Variants in ZBTB25 observed in about 807,000 individuals in gnomAD.
The protein encoded by ZBTB25 is zinc finger and BTB domain-containing protein 25.
Under a neutral mutation model 34.2 loss-of-function variants are expected in ZBTB25, and 20 were observed. The observed-to-expected ratio is 0.58, with a 90% confidence interval of 0.41 to 0.85. The LOEUF (loss-of-function observed/expected upper bound fraction) is 0.85, where lower values mean the gene tolerates loss of function less well. ZBTB25 is among the 40% of genes least tolerant of loss of function. ZBTB25 has a pLI of 0.00. For missense variants in ZBTB25, 437 were observed against 521.8 expected (o/e 0.84, Z 1.58); for synonymous variants, 175 against 186.4 (o/e 0.94, Z 0.50).
Position 64,487,892 on chromosome 14 carries a change from T to C in ZBTB25, c.339A>G (p.Glu113=), listed in dbSNP as rs750167865. Residue 113 remains glutamate (E), a synonymous_variant, in exon 3 of 3, where the codon GAA becomes GAG. Transcript: ENST00000608382. ...HADYLSHIAT[E]MNQVFSPETV... is the part of the protein sequence containing the mutation. ...TCTCTGGTGAGAACACTTGATTCAT[T>C]TCAGTTGCAATGTGAGAAAGGTAGT... The C allele has an allele frequency of 1.9e-6, 3 of 1,614,192 alleles. No individual in the cohort carries two copies. Among genetic ancestry groups the C allele is most frequent in the Non-Finnish European group, 2.5e-6 (3 of 1,180,028 alleles).
intron 1 of ZBTB25, among the ~76,000 whole-genome samples, chr14:64,493,270 A>C (rs2079152743): frequency 6.6e-6 from 1 of 152,244 alleles, no homozygotes; most frequent in Admixed American, 6.5e-5. Context: ...AGCTTGAACT[A>C]AAATCAGACA....
chr14:64,502,683 G>A (rs1214316002), intron 1 of ZBTB25: 7 of 985,540 alleles, frequency 7.1e-6, no homozygotes, highest in Non-Finnish European at 8.4e-6. Flanking sequence ...ACAGGTGAGT[G>A]GGGTAAACTG....
chr14:64,484,909 G>T lies in ZBTB25; in HGVS notation c.*2014C>A. ...ATTTCAATAGTTGCTTAAGTGAATT[G>T]GTAGAAAAAAGTTTAAGATTAGACA... On this transcript the variant is annotated 3_prime_UTR_variant, in exon 3 of 3. Transcript: ENST00000608382. The T allele has an allele frequency of 4.3e-6, 3 of 692,822 alleles. No homozygotes were observed. Among genetic ancestry groups the T allele is most frequent in the Non-Finnish European group, 5.3e-6 (3 of 563,066 alleles). 42.9% of individuals were successfully genotyped at this position (692,822 alleles called of 1,614,324 possible).
At chr14:64,459,599 A>G (rs571745862) in intron 2 of ZBTB25, among the ~76,000 whole-genome samples, 1 of 152,260 alleles carries the variant, frequency 6.6e-6, no homozygotes, top group Non-Finnish European at 1.5e-5. Context: ...ATCATTTTCA[A>G]GTCCATTTAT....
chr14:64,468,036 ATGCC>A (rs2078629125), intron 2 of ZBTB25: 1 of 157,678 alleles, frequency 6.3e-6, no homozygotes, highest in Admixed American at 6.3e-5. Context: ...TATGGAAAAT[ATGCC>A]TGGTAGAATC....
rs2078851655 is a variant in ZBTB25, at chr14:64,485,765, G to A, written c.*1158C>T. ...CCCAAAAATCCTGACGCTGAGGGTA[G>A]AAACATGATTTATATTTTATCATCA... is the stretch of plus-strand genomic sequence containing the variant. On this transcript the variant is annotated 3_prime_UTR_variant, in exon 3 of 3. Transcript: ENST00000608382. 1 of 985,264 alleles carries A rather than the reference G, an allele frequency of 1.0e-6. No individual in the cohort carries two copies. The highest frequency in any genetic ancestry group is 1.2e-6 in the Non-Finnish European group (1 of 829,928). The allele number at this position is 985,264 out of a possible 1,614,324, so 61.0% of individuals were successfully genotyped here.
At chr14:64,450,821 C>T (rs998028040) in intron 2 of ZBTB25, among the ~76,000 whole-genome samples, 6 of 151,428 alleles carry the variant, frequency 4.0e-5, no homozygotes, top group Non-Finnish European at 5.9e-5. Flanking sequence ...GGTCCTCCCA[C>T]CTCAGCCCCC....
At chr14:64,466,461 C>A (rs941478527) in intron 2 of ZBTB25, among the ~76,000 whole-genome samples, 1 of 152,178 alleles carries the variant, frequency 6.6e-6, no homozygotes, top group Admixed American at 6.5e-5. Flanking sequence ...GGTAATACAG[C>A]CTCTGCTTAA....
intron 1 of ZBTB25, chr14:64,503,009 A>T (rs1018296460): frequency 1.0e-6 from 1 of 985,458 alleles, no homozygotes. Flanking sequence ...CTGTTGAAAC[A>T]TGCTAGGTGC....
Position 64,487,190 on chromosome 14 carries a change from T to C in ZBTB25, c.1041A>G (p.Arg347=). Residue 347 remains arginine (R), a synonymous_variant, in exon 3 of 3, where the codon AGA becomes AGG. Coordinates refer to ENST00000608382, the MANE Select transcript of ZBTB25 (RefSeq NM_006977.5). ...LNCNFSFSRK[R]KMSCTICGHK... ...GACCACAGATGGTACAGCTCATTTTTCTTTTCCTTGAAAAAGAAAAATTAC... is the reference window on the plus strand; with the variant it reads ...GACCACAGATGGTACAGCTCATTTTCCTTTTCCTTGAAAAAGAAAAATTAC... The C allele has an allele frequency of 6.2e-7, 1 of 1,614,176 alleles. No homozygotes were observed. The highest frequency in any genetic ancestry group is 8.5e-7 in the Non-Finnish European group (1 of 1,180,012).
intron 1 of ZBTB25, among the ~76,000 whole-genome samples, chr14:64,494,847 CAGATT>C (rs2141043437): frequency 6.6e-6 from 1 of 152,330 alleles, no homozygotes; most frequent in South Asian, 2.1e-4. Context: ...TTCTCTACTT[CAGATT>C]AGATAATTTC....
In ZBTB25 at chr14:64,486,939, G is replaced by A; in HGVS notation, c.1292C>T (p.Thr431Ile). ...GAGAAGCTGCTACTCAACTAGGATAGTATCCACATTTTCTTGTGTGAGCTC... is the reference window on the plus strand; with the variant it reads ...GAGAAGCTGCTACTCAACTAGGATAATATCCACATTTTCTTGTGTGAGCTC... ...ESELTQENVD[T>I]ILVE is the part of the protein sequence containing the mutation. The change falls in exon 3 of 3, where the codon ACT becomes ATT. Residue 431 changes from threonine to isoleucine, a missense_variant. Physicochemically the swap from Thr to Ile is moderately conservative, Grantham distance 89. Coordinates refer to ENST00000608382, the MANE Select transcript of ZBTB25 (RefSeq NM_006977.5). 6.2e-7 allele frequency: 1 copy of A among 1,609,444 alleles called. No individual in the cohort carries two copies. Among genetic ancestry groups the A allele is most frequent in the Non-Finnish European group, 8.5e-7 (1 of 1,177,918 alleles).
Position 64,499,281 on chromosome 14 carries a change from A to G in ZBTB25, c.-8+4380T>C, listed in dbSNP as rs983532032. Among the ~76,000 whole-genome samples, 4 of 152,172 alleles carry G rather than the reference A, an allele frequency of 2.6e-5. No individual in the cohort carries two copies. In the South Asian group the frequency reaches 8.3e-4, roughly 32 times the overall value. ...AAAATATTGGCCAGATTAAGAAACA[A>G]AAGTGCTCCATGGCCAGGCATGGTG... On this transcript the variant is annotated intron_variant, in intron 1 of 2. Transcript: ENST00000608382.
At chr14:64,505,077 G>T (rs1303423712), upstream of ZBTB25, 1 of 362,554 alleles carries the variant, frequency 2.8e-6, no homozygotes, top group East Asian at 4.1e-5. Context: ...CGCGGCGGAC[G>T]CGCTGCGAGG....
At chr14:64,475,720 T>A (rs368532398), downstream of ZBTB25, among the ~76,000 whole-genome samples, 1 of 152,082 alleles carries the variant, frequency 6.6e-6, no homozygotes, top group East Asian at 1.9e-4. Context: ...CAAAACTGGG[T>A]GTGGGCACAA....
In ZBTB25 at chr14:64,479,122, AATACT is replaced by A. The variant is rs2141011922; in HGVS notation, c.*7796_*7800del. 1 of 152,324 alleles carries A rather than the reference AATACT, an allele frequency of 6.6e-6. No individual in the cohort carries two copies. The highest frequency in any genetic ancestry group is 2.1e-4 in the South Asian group (1 of 4,830). The allele number at this position is 152,324 out of a possible 1,614,324, so 9.4% of individuals were successfully genotyped here. A position where few individuals can be genotyped will look rare whatever the true frequency, so the allele number is the denominator to read the frequency against. On this transcript the variant is annotated 3_prime_UTR_variant, in exon 3 of 3. Transcript: ENST00000608382. ...TAATTCTGAACACATCTCATACTCC[AATACT>A]TGCTCTAAACATGACTAGAATAGAA...
Position 64,485,124 on chromosome 14 carries a change from T to TA in ZBTB25, c.*1798dup. 1 of 985,438 alleles carries TA rather than the reference T, an allele frequency of 1.0e-6. No homozygotes were observed. The highest frequency in any genetic ancestry group is 1.2e-6 in the Non-Finnish European group (1 of 829,918). 61.0% of individuals were successfully genotyped at this position (985,438 alleles called of 1,614,324 possible). ...CTTCATTCAATCCTCAAGAAAAACTTACCACTTTGTAATTTACCTAAACTG... is the reference window on the plus strand; with the variant it reads ...CTTCATTCAATCCTCAAGAAAAACTTAACCACTTTGTAATTTACCTAAACTG... On this transcript the variant is annotated 3_prime_UTR_variant, in exon 3 of 3. Transcript: ENST00000608382.
Position 64,497,365 on chromosome 14 carries a change from ACTGT to A in ZBTB25, c.-8+6292_-8+6295del, listed in dbSNP as rs552639272. 3.1e-3 allele frequency among the ~76,000 whole-genome samples: 479 copies of A among 152,300 alleles called. 4 individuals carry two copies. The highest frequency in any genetic ancestry group is 0.011 in the African/African-American group (447 of 41,558). ...TATAGCCTTTGCTCATCATTCTTTG[ACTGT>A]CTATTTTATTTTCTCTAGTATGTGA... is the stretch of plus-strand genomic sequence containing the variant. On this transcript the variant is annotated intron_variant, in intron 1 of 2. Transcript: ENST00000608382.
In ZBTB25 at chr14:64,478,891, A is replaced by G. The variant is rs2078745770; in HGVS notation, c.*8032T>C. On this transcript the variant is annotated 3_prime_UTR_variant, in exon 3 of 3. Transcript: ENST00000608382. ...CCTTTTGGCCAGATTAAAAATTCAC[A>G]GAAATTATAACCTACAATCTCAATT... The G allele has an allele frequency of 6.6e-6, 1 of 152,224 alleles. No homozygotes were observed. Among genetic ancestry groups the G allele is most frequent in the Non-Finnish European group, 1.5e-5 (1 of 68,032 alleles). The allele number at this position is 152,224 out of a possible 1,614,324, so 9.4% of individuals were successfully genotyped here.
Sources: allele counts gnomAD v4.1 joint callset (sites outside exome capture counted in the v4.1 genomes callset), GRCh38; gene constraint gnomAD v4.1.1; transcripts MANE v1.5; gene names NCBI Gene and HGNC (gene_info 2026-07-23, HGNC 2026-07-21).